The following CRYL1 variants were observed in gnomAD, a reference collection of about 807,000 sequenced individuals.
CRYL1 encodes the protein lambda-crystallin homolog.
A neutral mutation model predicts 36.6 loss-of-function variants in CRYL1; 29 were observed. The ratio of observed to expected loss-of-function variants is 0.79; its 90% CI spans 0.59 to 1.08. The LOEUF is 1.08. Among genes scored for constraint, CRYL1 ranks in the 50% least tolerant of loss-of-function variants. CRYL1 has a pLI of 0.00. For synonymous variants in CRYL1, 152 were observed against 151.5 expected, an observed-to-expected ratio of 1.00 and a Z score of -0.02; for missense variants, 411 against 407.9, an observed-to-expected ratio of 1.01 and a Z score of -0.06.
chr13:20,436,919 G>A (rs1001815436), intron 4 of CRYL1, among the ~76,000 whole-genome samples: 3 of 63,198 alleles, frequency 4.7e-5, no homozygotes, highest in Non-Finnish European at 1.4e-4. Context: ...GGTGCTTCTC[G>A]GAAACTGGTT....
At chr13:20,410,939 A>C (rs1334988505) in intron 6 of CRYL1, among the ~76,000 whole-genome samples, 2 of 152,212 alleles carry the variant, frequency 1.3e-5, no homozygotes, top group Admixed American at 1.3e-4. Context: ...CCCGTCTTTC[A>C]GGGGTGTTGT....
At chr13:20,479,076 G>A (rs12873838) in intron 3 of CRYL1, among the ~76,000 whole-genome samples, 3,729 of 152,128 alleles carry the variant, frequency 0.025, 191 homozygotes, top group Admixed American at 0.13. Flanking sequence ...GTGAGCCACC[G>A]CGCCTGGCCA....
At chr13:20,492,144 C>T (rs2033525225) in intron 2 of CRYL1, among the ~76,000 whole-genome samples, 1 of 152,196 alleles carries the variant, frequency 6.6e-6, no homozygotes, top group Admixed American at 6.5e-5. Context: ...CAGACTGTGC[C>T]TCTTAAGTGG....
intron 5 of CRYL1, among the ~76,000 whole-genome samples, chr13:20,426,010 A>G (rs148544784): frequency 6.6e-6 from 1 of 152,236 alleles, no homozygotes; most frequent in East Asian, 1.9e-4. Flanking sequence ...CCTAAAGGGA[A>G]AACCTCCTAA....
intron 6 of CRYL1, among the ~76,000 whole-genome samples, chr13:20,412,234 C>T (rs1409388908): frequency 2.0e-5 from 3 of 152,028 alleles, no homozygotes; most frequent in African/African-American, 7.2e-5. Flanking sequence ...TTGCCATTTC[C>T]AGTCTTTCAC....
chr13:20,410,051 A>G (rs1027136906), intron 6 of CRYL1, among the ~76,000 whole-genome samples: 12 of 151,976 alleles, frequency 7.9e-5, no homozygotes, highest in African/African-American at 2.7e-4. Flanking sequence ...CCAAAGGACT[A>G]TAAATCATGC....
chr13:20,420,701 T>TTTTTTTTTTTTTTTTGTGTG lies in CRYL1; in HGVS notation c.634-7315_634-7314insCACACAAAAAAAAAAAAAAA. ...CTTTGACTTTTCTTTAAAATAGAGG[T>TTTTTTTTTTTTTTTTGTGTG]TGTGTGTGTGTGTGTGTGTGTGTGT... On this transcript the variant is annotated intron_variant, in intron 5 of 7. Transcript: ENST00000298248. 3.2e-4 allele frequency among the ~76,000 whole-genome samples: 7 copies of TTTTTTTTTTTTTTTTGTGTG among 21,840 alleles called. 2 individuals carry two copies. Among genetic ancestry groups the TTTTTTTTTTTTTTTTGTGTG allele is most frequent in the Non-Finnish European group, 4.1e-4 (3 of 7,326 alleles). The allele number at this position is 21,840 out of a possible 152,430, so 14.3% of individuals were successfully genotyped here. A position where few individuals can be genotyped will look rare whatever the true frequency, so the allele number is the denominator to read the frequency against.
rs2032188624 is a variant in CRYL1, at chr13:20,435,451, G to T, written c.439-3155C>A. Among the ~76,000 whole-genome samples the T allele has an allele frequency of 6.6e-6, 1 of 152,100 alleles. No individual in the cohort carries two copies. The highest frequency in any genetic ancestry group is 2.4e-5 in the African/African-American group (1 of 41,418). On this transcript the variant is annotated intron_variant, in intron 4 of 7. Transcript: ENST00000298248. The surrounding 1 kb of genome is among the most constrained non-coding windows in gnomAD (Gnocchi z 4.0). ...CCACCTACGGAAGCCGCCGCAAAAG[G>T]ACCTTCGAGGTCTCCCGGCTGGGAA...
chr13:20,489,246 C>A, intron 3 of CRYL1, 124 bp downstream of exon 3: 1 of 1,169,472 alleles, frequency 8.6e-7, no homozygotes, highest in East Asian at 2.4e-5. Context: ...AAAACAAAAT[C>A]CTGCCCTTGA....
chr13:20,506,624 C>T (rs1046790723), intron 2 of CRYL1, among the ~76,000 whole-genome samples: 1 of 152,028 alleles, frequency 6.6e-6, no homozygotes, highest in Non-Finnish European at 1.5e-5. Flanking sequence ...TTTAATGATG[C>T]ATCTAAAAAT....
chr13:20,462,321 C>T (rs1373167441), intron 3 of CRYL1, among the ~76,000 whole-genome samples: 2 of 151,624 alleles, frequency 1.3e-5, no homozygotes, highest in African/African-American at 4.9e-5. Flanking sequence ...CATTTCAACA[C>T]TCATACAATA....
At chr13:20,440,957 T>A (rs2032338184) in intron 3 of CRYL1, among the ~76,000 whole-genome samples, 1 of 151,720 alleles carries the variant, frequency 6.6e-6, no homozygotes, top group Non-Finnish European at 1.5e-5. Context: ...CCCTGCCACA[T>A]GAGGATGAAG....
At chr13:20,515,703 C>T (rs1033357153) in intron 1 of CRYL1, 18 of 152,256 alleles carry the variant, frequency 1.2e-4, no homozygotes, top group African/African-American at 3.9e-4. Context: ...ATGACAAATG[C>T]CCTACGATTC....
chr13:20,482,958 A>G (rs1186724796), intron 3 of CRYL1, among the ~76,000 whole-genome samples: 1 of 152,188 alleles, frequency 6.6e-6, no homozygotes, highest in Non-Finnish European at 1.5e-5. Flanking sequence ...CGAAGATCCC[A>G]TGTTCTCACT....
chr13:20,476,042 GGAAGGAAGGAAACCACA>G (rs2033160898), intron 3 of CRYL1, among the ~76,000 whole-genome samples: 1 of 152,172 alleles, frequency 6.6e-6, no homozygotes, highest in South Asian at 2.1e-4. Flanking sequence ...GCACGCGGCA[GGAAGGAAGGAAACCACA>G]GTAGGTCTCT....
In CRYL1 at chr13:20,460,952, A is replaced by G. The variant is rs556426103; in HGVS notation, c.277-21198T>C. ...CACACAAAGGGCTCGTGTAGGCAGC[A>G]AGGAACCCTTCCCAGCGGCGCCCTC... On this transcript the variant is annotated intron_variant, in intron 3 of 7. Transcript: ENST00000298248. Among the ~76,000 whole-genome samples, 6 of 152,226 alleles carry G rather than the reference A, an allele frequency of 3.9e-5. No homozygotes were observed. The South Asian group carries it at 6.2e-4, about 16-fold the overall frequency.
chr13:20,440,855 A>T (rs548033839), intron 3 of CRYL1, among the ~76,000 whole-genome samples: 1 of 152,210 alleles, frequency 6.6e-6, no homozygotes, highest in Non-Finnish European at 1.5e-5. Context: ...AATGCTGCAG[A>T]TAACGACCGC....
In CRYL1 at chr13:20,435,832, C is replaced by T. The variant is rs1037626682; in HGVS notation, c.439-3536G>A. ...ACCCCCGCTCCGGGAGCAACCAAAACGGCGAGGCCCACAGGGCCGACAGCG... is the reference window on the plus strand; with the variant it reads ...ACCCCCGCTCCGGGAGCAACCAAAATGGCGAGGCCCACAGGGCCGACAGCG... On this transcript the variant is annotated intron_variant, in intron 4 of 7. Coordinates refer to ENST00000298248, the MANE Select transcript of CRYL1 (RefSeq NM_015974.3). The surrounding 1 kb of genome is among the most constrained non-coding windows in gnomAD (Gnocchi z 4.0). Among the ~76,000 whole-genome samples, 3 of 152,158 alleles carry T rather than the reference C, an allele frequency of 2.0e-5. No homozygotes were observed. The highest frequency in any genetic ancestry group is 7.2e-5 in the African/African-American group (3 of 41,460).
chr13:20,434,260 T>C lies in CRYL1; in HGVS notation c.439-1964A>G, dbSNP rs73443927. ...CAAGTGTGAACTTGGGGAGCTTTTC[T>C]GTCTTACAAAAGGATTGTAAAATGC... On this transcript the variant is annotated intron_variant, in intron 4 of 7. Coordinates refer to ENST00000298248, the MANE Select transcript of CRYL1 (RefSeq NM_015974.3). Among the ~76,000 whole-genome samples the C allele has an allele frequency of 7.4e-3, 1,127 of 152,330 alleles. 17 individuals carry two copies. The highest frequency in any genetic ancestry group is 0.025 in the African/African-American group (1,048 of 41,574).
Sources: gnomAD v4.1 joint callset for allele counts (sites outside exome capture counted in the v4.1 genomes callset) on GRCh38, gnomAD v4.1.1 for gene constraint, Gnocchi (gnomAD v3.1) non-coding constraint, MANE v1.5 for transcripts, NCBI Gene and HGNC (gene_info 2026-07-23, HGNC 2026-07-21) for gene names.